ERC1: variants seen among roughly 807,000 people sequenced by gnomAD.
ERC1 encodes RAB6 interacting protein 2.
Under a neutral mutation model 132.0 loss-of-function variants are expected in ERC1, and 56 were observed. The observed-to-expected ratio is 0.42, with a 90% CI of 0.34 to 0.53. The LOEUF is 0.53. Among genes scored for constraint, ERC1 ranks in the 20% least tolerant of loss-of-function variants. ERC1 has a pLI of 0.03. For synonymous variants in ERC1, 478 were observed against 476.1 expected, an observed-to-expected ratio of 1.00 and a Z score of -0.05; for missense variants, 1,202 against 1,349.9, an observed-to-expected ratio of 0.89 and a Z score of 1.72.
At chr12:1,169,759 A>C (rs535361003) in intron 8 of ERC1, among the ~76,000 whole-genome samples, 1 of 152,348 alleles carries the variant, frequency 6.6e-6, no homozygotes, top group African/African-American at 2.4e-5. Context: ...ATATTCAAGT[A>C]GTTTTTCAGA....
At chr12:1,146,308 GTTTTTTTTTTTT>G (rs1172108036) in intron 8 of ERC1, among the ~76,000 whole-genome samples, 2 of 31,812 alleles carry the variant, frequency 6.3e-5, no homozygotes, top group African/African-American at 1.2e-4. Context: ...TATTTTACTG[GTTTTTTTTTTTT>G]TTTTTTTTTT....
At chr12:1,012,645 G>A (rs1420585778) in intron 1 of ERC1, among the ~76,000 whole-genome samples, 6 of 151,726 alleles carry the variant, frequency 4.0e-5, no homozygotes, top group Admixed American at 6.6e-5. Flanking sequence ...TAGTAGAGAC[G>A]GGGTTTCACC....
chr12:1,220,502 T>A (rs977478637), intron 12 of ERC1, among the ~76,000 whole-genome samples: 3 of 152,240 alleles, frequency 2.0e-5, no homozygotes, highest in South Asian at 4.1e-4. Context: ...GAAACTTGAA[T>A]GTTTATTAGG....
At chr12:1,365,631 T>A (rs916631730) in intron 15 of ERC1, among the ~76,000 whole-genome samples, 1 of 152,070 alleles carries the variant, frequency 6.6e-6, no homozygotes, top group Non-Finnish European at 1.5e-5. Flanking sequence ...GAGTATAGAG[T>A]ATATAGAGTA....
At chr12:1,241,961 T>C (rs940610517) in intron 13 of ERC1, among the ~76,000 whole-genome samples, 11 of 149,206 alleles carry the variant, frequency 7.4e-5, no homozygotes, top group African/African-American at 2.7e-4. Flanking sequence ...TGGGTTCAAG[T>C]GATTCTCCTG....
rs549177921 is a variant in ERC1 at position 1,307,989 on chromosome 12, G to T, written c.2780+17977G>T. 7.8e-4 allele frequency among the ~76,000 whole-genome samples: 119 copies of T among 152,278 alleles called. 1 individual carries two copies. The highest frequency in any genetic ancestry group is 2.7e-3 in the African/African-American group (114 of 41,556). On this transcript the variant is annotated intron_variant, in intron 15 of 18. Coordinates refer to ENST00000360905, the MANE Select transcript of ERC1 (RefSeq NM_178040.4). ...AAATCCCATCTGAATACTGACAACA[G>T]TTCAAAACATCAGGAGATAAACCTC...
At chr12:1,051,712 C>G (rs1473115525) in intron 2 of ERC1, among the ~76,000 whole-genome samples, 2 of 152,176 alleles carry the variant, frequency 1.3e-5, no homozygotes, top group East Asian at 3.9e-4. Flanking sequence ...GAGCGAGACC[C>G]TGTCTCTTAT....
At chr12:1,061,379 T>C (rs1002092371) in intron 2 of ERC1, among the ~76,000 whole-genome samples, 3 of 151,704 alleles carry the variant, frequency 2.0e-5, no homozygotes, top group Admixed American at 6.6e-5. Flanking sequence ...GCAGATCACT[T>C]GAGCCCAGGA....
At position 1,303,911 on chromosome 12, in the gene ERC1, C is replaced by A. The variant is rs577426671; in HGVS notation, c.2780+13899C>A. 4.1e-3 allele frequency among the ~76,000 whole-genome samples: 613 copies of A among 150,120 alleles called. 7 individuals carry two copies. The highest frequency in any genetic ancestry group is 0.015 in the African/African-American group (592 of 40,442). ...GAGGTTATGGTGAGCCAAGATCACG[C>A]CATTGCACTCCAGCCTGGGCAACAA... is the stretch of plus-strand genomic sequence containing the variant. On this transcript the variant is annotated intron_variant, in intron 15 of 18. Coordinates refer to ENST00000360905, the MANE Select transcript of ERC1 (RefSeq NM_178040.4).
intron 12 of ERC1, among the ~76,000 whole-genome samples, chr12:1,215,306 T>A (rs1357098355): frequency 4.5e-5 from 3 of 66,168 alleles, no homozygotes; most frequent in South Asian, 6.8e-4. Context: ...AGCAGCAAAC[T>A]TTTTTTAAAA....
At chr12:1,054,306 C>G (rs1347252165) in intron 2 of ERC1, among the ~76,000 whole-genome samples, 1 of 152,128 alleles carries the variant, frequency 6.6e-6, no homozygotes, top group Non-Finnish European at 1.5e-5. Flanking sequence ...TTCCCAGGGC[C>G]TGGGTATATT....
At chr12:1,013,213 G>T (rs775030464) in intron 1 of ERC1, among the ~76,000 whole-genome samples, 2 of 152,116 alleles carry the variant, frequency 1.3e-5, no homozygotes, top group African/African-American at 2.4e-5. Context: ...GTTGGGGAAG[G>T]CTACACAACC....
At chr12:1,190,432 G>C (rs1480134543) in intron 12 of ERC1, among the ~76,000 whole-genome samples, 1 of 152,106 alleles carries the variant, frequency 6.6e-6, no homozygotes, top group Non-Finnish European at 1.5e-5. Context: ...CACTAGTTTA[G>C]ACCTTTGTTG....
intron 16 of ERC1, among the ~76,000 whole-genome samples, chr12:1,383,607 C>G (rs1181128347): frequency 1.3e-5 from 2 of 152,222 alleles, no homozygotes; most frequent in African/African-American, 2.4e-5. Flanking sequence ...GCACTCCAGC[C>G]TGGGTGACAA....
intron 8 of ERC1, among the ~76,000 whole-genome samples, chr12:1,155,476 C>T (rs1951292140): frequency 6.6e-6 from 1 of 151,940 alleles, no homozygotes; most frequent in African/African-American, 2.4e-5. Flanking sequence ...GAAAATTAAA[C>T]TTTCCTTTTT....
Position 1,289,231 on chromosome 12 carries a change from A to G in ERC1, c.2620-621A>G, listed in dbSNP as rs888637651. ...TACACTGCCTATGTAGTATATAGGT[A>G]TATATATGCCTGTATAGTTATATAG... is the stretch of plus-strand genomic sequence containing the variant. On this transcript the variant is annotated intron_variant, in intron 14 of 18. Coordinates refer to ENST00000360905, the MANE Select transcript of ERC1 (RefSeq NM_178040.4). 1.8e-4 allele frequency among the ~76,000 whole-genome samples: 27 copies of G among 148,912 alleles called. No homozygotes were observed. In the East Asian group the frequency reaches 1.9e-3, roughly 11 times the overall value.
At chr12:1,131,068 A>G (rs1414646218) in intron 7 of ERC1, among the ~76,000 whole-genome samples, 1 of 152,242 alleles carries the variant, frequency 6.6e-6, no homozygotes. Flanking sequence ...ACATTAAAAT[A>G]AAGAATTCTT....
intron 18 of ERC1, among the ~76,000 whole-genome samples, chr12:1,486,614 G>A (rs1045295066): frequency 2.6e-5 from 4 of 152,020 alleles, no homozygotes; most frequent in East Asian, 1.9e-4. Context: ...TAGTAGAGAC[G>A]GGGTTTTGCC....
intron 1 of ERC1, among the ~76,000 whole-genome samples, chr12:1,008,862 G>A (rs1440896175): frequency 1.3e-5 from 2 of 152,012 alleles, no homozygotes; most frequent in South Asian, 2.1e-4. Context: ...TCAGTTCCTC[G>A]GTCTCACTAG....
Sources: allele counts gnomAD v4.1 joint callset (sites outside exome capture counted in the v4.1 genomes callset), GRCh38; gene constraint gnomAD v4.1.1; transcripts MANE v1.5; gene names NCBI Gene and HGNC (gene_info 2026-07-23, HGNC 2026-07-21).